RSU1: variants seen among roughly 807,000 people sequenced by gnomAD.
The protein encoded by RSU1 is Ras suppressor protein 1, also known as rsu-1.
Under a neutral mutation model 31.1 loss-of-function variants are expected in RSU1, and 26 were observed. That is an observed-to-expected ratio of 0.84 (90% CI 0.61 to 1.16). RSU1 has a LOEUF of 1.16. Among genes scored for constraint, RSU1 ranks in the 50% most tolerant of loss-of-function variants. The probability of loss-of-function intolerance (pLI) is 0.00; values close to 1 mark genes in which losing one functional copy is unlikely to be tolerated. For synonymous variants in RSU1, 164 were observed against 136.3 expected, an observed-to-expected ratio of 1.20 and a Z score of -1.41; for missense variants, 320 against 339.1, an observed-to-expected ratio of 0.94 and a Z score of 0.44.
intron 2 of RSU1, among the ~76,000 whole-genome samples, chr10:16,809,180 G>A (rs370248797): frequency 1.1e-4 from 16 of 152,110 alleles, no homozygotes; most frequent in East Asian, 1.9e-4. Context: ...AGCATCACAC[G>A]CTGATGGAAT....
At chr10:16,772,041 C>T (rs1443477447) in intron 3 of RSU1, among the ~76,000 whole-genome samples, 1 of 152,214 alleles carries the variant, frequency 6.6e-6, no homozygotes, top group Non-Finnish European at 1.5e-5. Context: ...TCTATGCTAT[C>T]ATGAGCTGCC....
At chr10:16,613,924 T>A (rs1401460137) in intron 8 of RSU1, among the ~76,000 whole-genome samples, 2 of 152,092 alleles carry the variant, frequency 1.3e-5, no homozygotes, top group African/African-American at 4.8e-5. Flanking sequence ...TGAAACAATC[T>A]ATTGCCAGGC....
intron 8 of RSU1, among the ~76,000 whole-genome samples, chr10:16,641,620 G>A (rs1033489308): frequency 2.5e-4 from 38 of 152,254 alleles, no homozygotes; most frequent in Non-Finnish European, 4.4e-4. Flanking sequence ...GCCCATTAAT[G>A]AACCTGGCTC....
intron 8 of RSU1, among the ~76,000 whole-genome samples, chr10:16,682,048 G>A (rs1372720142): frequency 6.6e-6 from 1 of 151,590 alleles, no homozygotes; most frequent in Non-Finnish European, 1.5e-5. Flanking sequence ...TTAACTACAT[G>A]AGAAGAGAAT....
chr10:16,814,747 T>C (rs1007210292), intron 2 of RSU1, among the ~76,000 whole-genome samples: 2 of 152,222 alleles, frequency 1.3e-5, no homozygotes, highest in East Asian at 1.9e-4. Flanking sequence ...CTATTATCCG[T>C]TGTTAGCTAC....
At chr10:16,676,031 C>A (rs928551962) in intron 8 of RSU1, among the ~76,000 whole-genome samples, 3 of 152,184 alleles carry the variant, frequency 2.0e-5, no homozygotes, top group South Asian at 2.1e-4. Context: ...TCAGTTGGTA[C>A]ATGATGAGCC....
intron 8 of RSU1, among the ~76,000 whole-genome samples, chr10:16,632,943 C>G (rs977285262): frequency 2.0e-5 from 3 of 151,910 alleles, no homozygotes; most frequent in Non-Finnish European, 4.4e-5. Context: ...TCTCAAACAA[C>G]AAAATTTAAA....
chr10:16,679,413 C>A (rs1366183524), intron 8 of RSU1, among the ~76,000 whole-genome samples: 1 of 152,056 alleles, frequency 6.6e-6, no homozygotes, highest in African/African-American at 2.4e-5. Flanking sequence ...TGTCTGACAC[C>A]TGGGAAAGAA....
chr10:16,656,613 T>A (rs1479266569), intron 8 of RSU1, among the ~76,000 whole-genome samples: 1 of 152,364 alleles, frequency 6.6e-6, no homozygotes, highest in East Asian at 1.9e-4. Flanking sequence ...AGCTTCGCTA[T>A]TCCTTTCCAT....
At chr10:16,602,941 G>A (rs2131459572) in intron 8 of RSU1, among the ~76,000 whole-genome samples, 1 of 152,270 alleles carries the variant, frequency 6.6e-6, no homozygotes, top group African/African-American at 2.4e-5. Flanking sequence ...TCAGGGGCTG[G>A]TGACAGAACC....
chr10:16,624,286 G>A (rs979595794), intron 8 of RSU1, among the ~76,000 whole-genome samples: 5 of 152,068 alleles, frequency 3.3e-5, no homozygotes, highest in African/African-American at 4.8e-5. Flanking sequence ...GAGAGCTGAA[G>A]GGCTGGAGTA....
intron 8 of RSU1, among the ~76,000 whole-genome samples, chr10:16,687,340 A>C (rs190980265): frequency 6.6e-6 from 1 of 152,324 alleles, no homozygotes; most frequent in East Asian, 1.9e-4. Context: ...GGGAACAAGC[A>C]CCTTCCATTT....
intron 8 of RSU1, among the ~76,000 whole-genome samples, chr10:16,594,327 C>A (rs371091870): frequency 2.6e-5 from 4 of 152,216 alleles, no homozygotes; most frequent in East Asian, 1.9e-4. Context: ...TACCAGGTGG[C>A]CCAGCTCCAG....
chr10:16,607,225 C>A (rs1281816852), intron 8 of RSU1, among the ~76,000 whole-genome samples: 1 of 152,146 alleles, frequency 6.6e-6, no homozygotes, highest in East Asian at 1.9e-4. Context: ...TTGCCTTCCA[C>A]CATGATTCTA....
At chr10:16,757,091 G>A (rs1837107839) in intron 4 of RSU1, among the ~76,000 whole-genome samples, 1 of 150,454 alleles carries the variant, frequency 6.6e-6, no homozygotes. Flanking sequence ...TGTGGGTGTG[G>A]TGCGTGTGGG....
At chr10:16,683,662 T>A (rs954854906) in intron 8 of RSU1, among the ~76,000 whole-genome samples, 7 of 152,228 alleles carry the variant, frequency 4.6e-5, no homozygotes, top group African/African-American at 1.7e-4. Context: ...TGGAGAGATT[T>A]ATTCTGAGCT....
intron 2 of RSU1, among the ~76,000 whole-genome samples, chr10:16,815,317 C>A (rs887687170): frequency 6.6e-6 from 1 of 152,202 alleles, no homozygotes; most frequent in African/African-American, 2.4e-5. Context: ...ACGTTTCCTC[C>A]CTTTTCCTTC....
chr10:16,708,453 C>G (rs1835949502), intron 7 of RSU1, among the ~76,000 whole-genome samples: 1 of 152,036 alleles, frequency 6.6e-6, no homozygotes, highest in African/African-American at 2.4e-5. Flanking sequence ...TAAAAGTGAG[C>G]CTGCACAGTT....
At chr10:16,743,300 G>T (rs771979135) in intron 7 of RSU1, among the ~76,000 whole-genome samples, 2 of 152,080 alleles carry the variant, frequency 1.3e-5, no homozygotes, top group African/African-American at 2.4e-5. Flanking sequence ...TTTGAATTAG[G>T]AAGATCTGAA....
Sources: gnomAD v4.1 joint callset for allele counts (sites outside exome capture counted in the v4.1 genomes callset) on GRCh38, gnomAD v4.1.1 for gene constraint, MANE v1.5 for transcripts, NCBI Gene and HGNC (gene_info 2026-07-23, HGNC 2026-07-21) for gene names.